Variants in LINGO2 observed in about 807,000 individuals in gnomAD.
LINGO2 encodes leucine rich repeat and Ig domain containing 2.
LINGO2 carries 14 observed loss-of-function variants against 30.6 expected under a neutral mutation model. That is an observed-to-expected ratio of 0.46 (90% confidence interval 0.30 to 0.72). LINGO2 has a LOEUF of 0.72. Among genes scored for constraint, LINGO2 ranks in the 30% least tolerant of loss-of-function variants. The pLI, the probability that LINGO2 is intolerant of heterozygous loss-of-function variation, is 0.07. For missense variants in LINGO2, 729 were observed against 751.7 expected, an observed-to-expected ratio of 0.97 and a Z score of 0.35; for synonymous variants, 317 against 288.5, an observed-to-expected ratio of 1.10 and a Z score of -1.00.
chr9:28,511,101 C>T (rs760286985), intron 1 of LINGO2, among the ~76,000 whole-genome samples: 1 of 151,996 alleles, frequency 6.6e-6, no homozygotes, highest in Admixed American at 6.6e-5. Flanking sequence ...TTGGCAGCAC[C>T]CTCACAGATA....
At chr9:28,668,116 A>T (rs753382410) in intron 1 of LINGO2, among the ~76,000 whole-genome samples, 7 of 152,032 alleles carry the variant, frequency 4.6e-5, no homozygotes, top group Middle Eastern at 3.4e-3. Flanking sequence ...AATCTTTAAA[A>T]CCCCACCAAA....
the LINGO2 span, among the ~76,000 whole-genome samples, chr9:28,707,092 A>G: frequency 6.6e-6 from 1 of 152,118 alleles, no homozygotes; most frequent in Non-Finnish European, 1.5e-5. Context: ...ATGATTTGCT[A>G]TGAAAAATTC....
chr9:28,773,195 C>T, the LINGO2 span, among the ~76,000 whole-genome samples: 1 of 151,882 alleles, frequency 6.6e-6, no homozygotes, highest in Non-Finnish European at 1.5e-5. Flanking sequence ...GAAACCCTGT[C>T]TCTACTAAAA....
At chr9:28,605,215 A>G (rs994785575) in intron 1 of LINGO2, among the ~76,000 whole-genome samples, 1 of 152,052 alleles carries the variant, frequency 6.6e-6, no homozygotes, top group African/African-American at 2.4e-5. Context: ...ACATGTTGAG[A>G]TATTTGGCCT....
the LINGO2 span, among the ~76,000 whole-genome samples, chr9:29,161,182 G>T: frequency 2.0e-5 from 3 of 152,228 alleles, no homozygotes; most frequent in African/African-American, 7.2e-5. Flanking sequence ...GCACAAAGCA[G>T]GCTGCCGAGA....
chr9:28,153,593 T>C (rs940683635), intron 4 of LINGO2, among the ~76,000 whole-genome samples: 29 of 152,212 alleles, frequency 1.9e-4, no homozygotes, highest in African/African-American at 5.8e-4. Flanking sequence ...TCTTCAACAT[T>C]TGACCAAAGT....
At chr9:27,985,865 G>A (rs1026934615) in intron 5 of LINGO2, among the ~76,000 whole-genome samples, 4 of 151,780 alleles carry the variant, frequency 2.6e-5, no homozygotes, top group Admixed American at 2.0e-4. Flanking sequence ...AATGGTGAGA[G>A]GTTGATGGTA....
chr9:28,773,141 G>A, the LINGO2 span, among the ~76,000 whole-genome samples: 2 of 152,078 alleles, frequency 1.3e-5, no homozygotes, highest in African/African-American at 2.4e-5. Flanking sequence ...TGAGACGGGT[G>A]GATCACGACG....
intron 3 of LINGO2, among the ~76,000 whole-genome samples, chr9:28,305,380 G>A (rs986407236): frequency 5.9e-5 from 9 of 151,738 alleles, no homozygotes; most frequent in Non-Finnish European, 1.2e-4. Flanking sequence ...AGTTCAGTAC[G>A]GCAAGAAATA....
At chr9:28,991,922 T>C in the LINGO2 span, among the ~76,000 whole-genome samples, 1,159 of 152,144 alleles carry the variant, frequency 7.6e-3, 5 homozygotes, top group Non-Finnish European at 0.013. Context: ...TGCCAAATTG[T>C]AAAGACCATC....
At chr9:28,277,173 GTC>G (rs1216952652) in intron 4 of LINGO2, among the ~76,000 whole-genome samples, 1 of 152,078 alleles carries the variant, frequency 6.6e-6, no homozygotes, top group African/African-American at 2.4e-5. Flanking sequence ...CTTGCATTGT[GTC>G]TCTGTGTCCT....
intron 2 of LINGO2, among the ~76,000 whole-genome samples, chr9:28,376,753 G>GA (rs1286375142): frequency 2.0e-5 from 3 of 152,132 alleles, no homozygotes; most frequent in Non-Finnish European, 4.4e-5. Flanking sequence ...TGTTTCACCA[G>GA]AAAATTTACC....
chr9:28,669,558 A>G (rs1828935811), intron 1 of LINGO2, among the ~76,000 whole-genome samples: 1 of 152,084 alleles, frequency 6.6e-6, no homozygotes, highest in Non-Finnish European at 1.5e-5. Flanking sequence ...GAAATATGAA[A>G]ATACAAAAAC....
At chr9:28,050,739 G>A (rs1361342666) in intron 4 of LINGO2, among the ~76,000 whole-genome samples, 1 of 150,948 alleles carries the variant, frequency 6.6e-6, no homozygotes, top group Non-Finnish European at 1.5e-5. Flanking sequence ...CACCTAAAGA[G>A]TTGGGGTAGC....
At chr9:28,100,608 C>T (rs1247424912) in intron 4 of LINGO2, among the ~76,000 whole-genome samples, 1 of 152,162 alleles carries the variant, frequency 6.6e-6, no homozygotes, top group African/African-American at 2.4e-5. Flanking sequence ...TAGTTGGGCA[C>T]ACTACTATCC....
At chr9:29,057,456 G>A in the LINGO2 span, among the ~76,000 whole-genome samples, 1 of 152,078 alleles carries the variant, frequency 6.6e-6, no homozygotes, top group South Asian at 2.1e-4. Flanking sequence ...TGACTTTAAT[G>A]TCTGAGAGAA....
chr9:28,755,576 C>A, the LINGO2 span, among the ~76,000 whole-genome samples: 2 of 152,052 alleles, frequency 1.3e-5, no homozygotes, highest in African/African-American at 4.8e-5. Context: ...ACTTTTAATT[C>A]TCTGCCAAGA....
At chr9:29,055,752 A>G in the LINGO2 span, among the ~76,000 whole-genome samples, 1 of 151,934 alleles carries the variant, frequency 6.6e-6, no homozygotes, top group Non-Finnish European at 1.5e-5. Flanking sequence ...AGTCCAGGGT[A>G]TCATTCTGAT....
At chr9:28,308,024 C>G (rs1012599574) in intron 3 of LINGO2, among the ~76,000 whole-genome samples, 5 of 150,548 alleles carry the variant, frequency 3.3e-5, no homozygotes, top group Admixed American at 1.3e-4. Context: ...TTTATAGATT[C>G]AATGCCATCC....
Sources: allele counts gnomAD v4.1 joint callset (sites outside exome capture counted in the v4.1 genomes callset), GRCh38; gene constraint gnomAD v4.1.1; transcripts MANE v1.5; gene names NCBI Gene and HGNC (gene_info 2026-07-23, HGNC 2026-07-21).